Variants in SNTG1 observed in about 807,000 individuals in gnomAD.
SNTG1 encodes the protein syntrophin gamma 1.
Under a neutral mutation model 74.7 loss-of-function variants are expected in SNTG1, and 39 were observed. The observed-to-expected ratio is 0.52, with a 90% CI of 0.40 to 0.68. SNTG1 has a LOEUF of 0.68. Among genes scored for constraint, SNTG1 ranks in the 30% least tolerant of loss-of-function variants. The pLI, the probability that SNTG1 is intolerant of heterozygous loss-of-function variation, is 0.00. For missense variants in SNTG1, 685 were observed against 609.5 expected (o/e 1.12, Z -1.30); for synonymous variants, 254 against 217.1 (o/e 1.17, Z -1.49).
chr8:50,567,583 A>C (rs2094523216), intron 12 of SNTG1, among the ~76,000 whole-genome samples: 1 of 152,102 alleles, frequency 6.6e-6, no homozygotes, highest in African/African-American at 2.4e-5. Flanking sequence ...TCGGTGGAGT[A>C]AACTGTTGTT....
At chr8:50,097,496 A>G (rs1315487481) in intron 1 of SNTG1, among the ~76,000 whole-genome samples, 1 of 152,150 alleles carries the variant, frequency 6.6e-6, no homozygotes, top group African/African-American at 2.4e-5. Context: ...TTTTGAAACT[A>G]AGGAGAGAGG....
At chr8:50,330,674 AG>A (rs1416305137) in intron 2 of SNTG1, among the ~76,000 whole-genome samples, 1 of 152,188 alleles carries the variant, frequency 6.6e-6, no homozygotes, top group Non-Finnish European at 1.5e-5. Context: ...TAAAGGAAAG[AG>A]GTTTCATTGA....
intron 2 of SNTG1, among the ~76,000 whole-genome samples, chr8:50,213,994 A>G (rs2084650659): frequency 6.6e-6 from 1 of 151,978 alleles, no homozygotes; most frequent in African/African-American, 2.4e-5. Flanking sequence ...TTAGCCATGA[A>G]GTCCTTCCCC....
chr8:50,485,089 T>C (rs560841951), intron 8 of SNTG1, among the ~76,000 whole-genome samples: 1 of 152,278 alleles, frequency 6.6e-6, no homozygotes, highest in African/African-American at 2.4e-5. Context: ...GTGATTACAT[T>C]TGATCTGATA....
At chr8:50,301,855 G>T (rs945548824) in intron 2 of SNTG1, among the ~76,000 whole-genome samples, 9 of 106,410 alleles carry the variant, frequency 8.5e-5, no homozygotes, top group East Asian at 7.4e-4. Context: ...TTCTGTTTTT[G>T]TTTTTTGTTT....
At chr8:50,646,429 G>A (rs973256660) in intron 13 of SNTG1, among the ~76,000 whole-genome samples, 3 of 152,052 alleles carry the variant, frequency 2.0e-5, no homozygotes, top group Non-Finnish European at 4.4e-5. Context: ...TGGAAACCAT[G>A]GTAATATTAG....
intron 13 of SNTG1, among the ~76,000 whole-genome samples, chr8:50,649,607 G>A (rs1332230886): frequency 3.3e-5 from 5 of 152,074 alleles, no homozygotes; most frequent in Non-Finnish European, 7.4e-5. Context: ...TAGCCTCTTT[G>A]GAAGATAAAC....
At chr8:50,100,559 A>G (rs1182113858) in intron 1 of SNTG1, among the ~76,000 whole-genome samples, 2 of 152,118 alleles carry the variant, frequency 1.3e-5, no homozygotes, top group Non-Finnish European at 2.9e-5. Context: ...TTACCTGTCA[A>G]TTAAAAAAGG....
intron 2 of SNTG1, among the ~76,000 whole-genome samples, chr8:50,350,967 C>A (rs985455743): frequency 5.3e-5 from 8 of 152,188 alleles, no homozygotes; most frequent in Non-Finnish European, 8.8e-5. Flanking sequence ...TTTGTTCTTT[C>A]GCTCTTTGCA....
chr8:50,472,473 T>G (rs997331695), intron 8 of SNTG1, among the ~76,000 whole-genome samples: 1 of 152,084 alleles, frequency 6.6e-6, no homozygotes, highest in Non-Finnish European at 1.5e-5. Flanking sequence ...TATCTATATG[T>G]GAAAAAATTA....
At chr8:50,359,526 A>G (rs2091905026) in intron 2 of SNTG1, among the ~76,000 whole-genome samples, 1 of 152,188 alleles carries the variant, frequency 6.6e-6, no homozygotes, top group African/African-American at 2.4e-5. Context: ...CCAATGTGAT[A>G]ATATTTTTCA....
At chr8:50,328,160 C>T (rs2130858826) in intron 2 of SNTG1, among the ~76,000 whole-genome samples, 1 of 151,414 alleles carries the variant, frequency 6.6e-6, no homozygotes, top group African/African-American at 2.4e-5. Flanking sequence ...AGTTTCTGAT[C>T]TATATCATTT....
intron 2 of SNTG1, among the ~76,000 whole-genome samples, chr8:50,238,714 A>T (rs1464967232): frequency 1.3e-5 from 2 of 152,270 alleles, no homozygotes; most frequent in Admixed American, 6.5e-5. Context: ...AACCTACAGA[A>T]CGGAAAAAAC....
intron 2 of SNTG1, among the ~76,000 whole-genome samples, chr8:50,230,031 T>G (rs2085535288): frequency 6.6e-6 from 1 of 151,380 alleles, no homozygotes; most frequent in South Asian, 2.1e-4. Context: ...TATTTTGACT[T>G]AAATGAAAAT....
chr8:50,369,883 T>C (rs1332592445), intron 2 of SNTG1, among the ~76,000 whole-genome samples: 2 of 152,038 alleles, frequency 1.3e-5, no homozygotes, highest in African/African-American at 4.8e-5. Context: ...TTTTCTGAGT[T>C]GGTTCTGAAG....
At chr8:50,195,334 G>A (rs538301336) in intron 2 of SNTG1, among the ~76,000 whole-genome samples, 1 of 151,900 alleles carries the variant, frequency 6.6e-6, no homozygotes, top group East Asian at 1.9e-4. Flanking sequence ...GAGAGGGCAT[G>A]ATGGGCTTGA....
At chr8:50,639,220 TAA>T (rs33934276) in intron 13 of SNTG1, among the ~76,000 whole-genome samples, 1 of 147,866 alleles carries the variant, frequency 6.8e-6, no homozygotes. Flanking sequence ...GCTTTTCAGT[TAA>T]AAAAAAAAAA....
At chr8:50,257,203 A>G (rs1213375151) in intron 2 of SNTG1, among the ~76,000 whole-genome samples, 1 of 152,010 alleles carries the variant, frequency 6.6e-6, no homozygotes, top group Non-Finnish European at 1.5e-5. Context: ...CTGAACATAC[A>G]CTCGTTAAGA....
At chr8:50,701,420 T>C (rs957002955) in intron 15 of SNTG1, among the ~76,000 whole-genome samples, 4 of 152,202 alleles carry the variant, frequency 2.6e-5, no homozygotes, top group African/African-American at 9.6e-5. Flanking sequence ...ATTTCTGAAA[T>C]GCCTGACTTG....
Sources: allele counts gnomAD v4.1 joint callset (sites outside exome capture counted in the v4.1 genomes callset), GRCh38; gene constraint gnomAD v4.1.1; transcripts MANE v1.5; gene names NCBI Gene and HGNC (gene_info 2026-07-23, HGNC 2026-07-21).